CDIN1: variants seen among roughly 807,000 people sequenced by gnomAD.
CDIN1 encodes the protein CDAN1 interacting nuclease 1.
In CDIN1, 33 loss-of-function variants were observed where a neutral mutation model predicts 45.3. That is an observed-to-expected ratio of 0.73 (90% CI 0.55 to 0.97). The LOEUF is 0.97. CDIN1 is among the 50% of genes least tolerant of loss of function. CDIN1 has a pLI of 0.00. For synonymous variants in CDIN1, 118 were observed against 124.4 expected, an observed-to-expected ratio of 0.95 and a Z score of 0.34; for missense variants, 303 against 339.4, an observed-to-expected ratio of 0.89 and a Z score of 0.84.
chr15:36,691,420 C>T (rs570741259), intron 5 of CDIN1, among the ~76,000 whole-genome samples: 6 of 150,746 alleles, frequency 4.0e-5, no homozygotes, highest in African/African-American at 1.5e-4. Flanking sequence ...TATTTATCTA[C>T]AAAAGAGACA....
chr15:36,633,817 G>A (rs2039783993), intron 1 of CDIN1, among the ~76,000 whole-genome samples: 1 of 150,102 alleles, frequency 6.7e-6, no homozygotes, highest in South Asian at 2.1e-4. Flanking sequence ...GATTGCAGTG[G>A]TGGGATCTTA....
intron 1 of CDIN1, chr15:36,641,960 C>G (rs999186680): frequency 6.6e-6 from 1 of 152,214 alleles, no homozygotes; most frequent in Non-Finnish European, 1.5e-5. Context: ...TTCTTGTGAA[C>G]CTAGTGAAAG....
chr15:36,679,825 A>G (rs1300501087), intron 5 of CDIN1, among the ~76,000 whole-genome samples: 3 of 152,080 alleles, frequency 2.0e-5, no homozygotes, highest in African/African-American at 7.2e-5. Flanking sequence ...AGGGCCCCTC[A>G]CCCACATGGC....
At chr15:36,618,757 C>T in intron 1 of CDIN1, 1 of 698,306 alleles carries the variant, frequency 1.4e-6, no homozygotes. Context: ...AAGCACAACT[C>T]AGCCAAAAAA....
intron 8 of CDIN1, chr15:36,706,284 T>TCCTCC: frequency 6.6e-6 from 1 of 152,102 alleles, no homozygotes; most frequent in Non-Finnish European, 1.5e-5. Context: ...GGAATTCTAC[T>TCCTCC]AAAATGTTAA....
At chr15:36,794,280 G>A (rs188997914) in intron 10 of CDIN1, among the ~76,000 whole-genome samples, 3 of 151,968 alleles carry the variant, frequency 2.0e-5, no homozygotes, top group Admixed American at 1.3e-4. Context: ...GGATGGTCTC[G>A]ATCTCCTGAC....
chr15:36,605,815 A>T (rs1261470903), intron 1 of CDIN1, among the ~76,000 whole-genome samples: 1 of 152,182 alleles, frequency 6.6e-6, no homozygotes, highest in Non-Finnish European at 1.5e-5. Context: ...ATTGCCAACA[A>T]TTCCAACAGG....
At chr15:36,599,440 G>T (rs529686172) in intron 1 of CDIN1, among the ~76,000 whole-genome samples, 1 of 152,258 alleles carries the variant, frequency 6.6e-6, no homozygotes, top group Non-Finnish European at 1.5e-5. Context: ...ATCACAGGAG[G>T]TGAATAAATA....
Position 36,704,039 on chromosome 15 carries a change from C to A in CDIN1, c.545-5184C>A, listed in dbSNP as rs527629029. Among the ~76,000 whole-genome samples, 5 of 152,232 alleles carry A rather than the reference C, an allele frequency of 3.3e-5. No homozygotes were observed. In the East Asian group the frequency reaches 9.7e-4, roughly 29 times the overall value. ...TTTTTATTCTACTATGTTGATTTGT[C>A]CCTTCATCTACAACGAAAAGGATTT... On this transcript the variant is annotated intron_variant, in intron 8 of 10. Transcript: ENST00000566621.
chr15:36,687,494 G>A (rs2140676309), intron 5 of CDIN1, among the ~76,000 whole-genome samples: 1 of 152,250 alleles, frequency 6.6e-6, no homozygotes, highest in Admixed American at 6.5e-5. Flanking sequence ...ATTACCACTA[G>A]GTCACATTAA....
intron 5 of CDIN1, among the ~76,000 whole-genome samples, chr15:36,680,999 C>A (rs962751088): frequency 1.3e-5 from 2 of 151,870 alleles, no homozygotes; most frequent in Non-Finnish European, 2.9e-5. Context: ...AATTTACAAG[C>A]CAATGGAGGA....
At chr15:36,755,708 C>T (rs2053592883) in intron 10 of CDIN1, among the ~76,000 whole-genome samples, 1 of 151,442 alleles carries the variant, frequency 6.6e-6, no homozygotes, top group Non-Finnish European at 1.5e-5. Context: ...AAATCTTGAG[C>T]TTGAACAAAT....
chr15:36,667,119 C>T (rs1217114996), intron 5 of CDIN1, among the ~76,000 whole-genome samples: 8 of 152,156 alleles, frequency 5.3e-5, no homozygotes, highest in Non-Finnish European at 1.0e-4. Flanking sequence ...GTTTTGTCTT[C>T]TGAAAGTTAG....
At chr15:36,795,228 A>G (rs908381274) in intron 10 of CDIN1, among the ~76,000 whole-genome samples, 1 of 152,202 alleles carries the variant, frequency 6.6e-6, no homozygotes, top group Non-Finnish European at 1.5e-5. Flanking sequence ...GTTCAATAGC[A>G]GAGTAGGGTG....
chr15:36,803,859 G>T (rs2602146), intron 10 of CDIN1, among the ~76,000 whole-genome samples: 149,113 of 152,328 alleles, frequency 0.98, 73,050 homozygotes, highest in Middle Eastern at 1. Flanking sequence ...CTGGAGACAT[G>T]CCCTTAAAAT....
chr15:36,764,385 A>C (rs1035935377), intron 10 of CDIN1, among the ~76,000 whole-genome samples: 2 of 152,148 alleles, frequency 1.3e-5, no homozygotes, highest in South Asian at 2.1e-4. Flanking sequence ...ATGTAAACAA[A>C]CAGAAGCAAA....
intron 10 of CDIN1, among the ~76,000 whole-genome samples, chr15:36,800,907 G>GTATATATATATATATATATATA (rs1282877205): frequency 4.1e-4 from 13 of 31,612 alleles, no homozygotes; most frequent in Non-Finnish European, 6.4e-4. Flanking sequence ...GTGTGTGTGT[G>GTATATATATATATATATATATA]TGTATATATA....
At chr15:36,661,549 A>G (rs532460148) in intron 5 of CDIN1, among the ~76,000 whole-genome samples, 7 of 152,314 alleles carry the variant, frequency 4.6e-5, no homozygotes, top group South Asian at 2.1e-4. Context: ...AGTGCTGACC[A>G]GTTACAGACT....
intron 1 of CDIN1, among the ~76,000 whole-genome samples, chr15:36,609,020 A>T (rs553833791): frequency 2.9e-5 from 4 of 137,154 alleles, no homozygotes; most frequent in East Asian, 2.1e-4. Context: ...TAGATAGATA[A>T]TTTTTTAAGT....
Sources: allele counts gnomAD v4.1 joint callset (sites outside exome capture counted in the v4.1 genomes callset), GRCh38; gene constraint gnomAD v4.1.1; transcripts MANE v1.5; gene names NCBI Gene and HGNC (gene_info 2026-07-23, HGNC 2026-07-21).